The following CARS1 variants were observed in gnomAD, a reference collection of about 807,000 sequenced individuals.
CARS1 encodes cysteinyl-tRNA synthetase 1.
CARS1 carries 48 observed loss-of-function variants against 106.2 expected under a neutral mutation model. The observed-to-expected ratio is 0.45, with a 90% CI of 0.36 to 0.57. The LOEUF is 0.57. Ranked by LOEUF, CARS1 falls within the 20% of genes least tolerant of loss-of-function variation. CARS1 has a pLI of 0.00. For missense variants in CARS1, 968 were observed against 1,057.2 expected (o/e 0.92, Z 1.17); for synonymous variants, 409 against 403.4 (o/e 1.01, Z -0.17).
In CARS1 at chr11:3,022,067, A is replaced by G. The variant is rs764075988; in HGVS notation, c.1154-1735T>C. ...AACTGCCCTCATAGGGTTAATGAGA[A>G]TTCCAAGGCAGGCTATAGGCAGAAT... On this transcript the variant is annotated intron_variant, in intron 10 of 22. Transcript: ENST00000380525. This position sits in a 1 kb window ranked among gnomAD's most constrained non-coding sequence, Gnocchi z 4.9. Among the ~76,000 whole-genome samples the G allele has an allele frequency of 5.3e-5, 8 of 152,142 alleles. No individual in the cohort carries two copies. The highest frequency in any genetic ancestry group is 8.8e-5 in the Non-Finnish European group (6 of 68,028).
intron 16 of CARS1, 146 bp downstream of exon 16, chr11:3,016,960 G>A (rs943952454): frequency 3.2e-6 from 2 of 627,956 alleles, no homozygotes; most frequent in Admixed American, 3.0e-5. Context: ...AACCAAAGAG[G>A]ACAGAAGCAT....
Position 3,041,167 on chromosome 11 carries a change from C to T in CARS1, c.367-183G>A, listed in dbSNP as rs926941114. ...GGGAGCCCAGTGAGATGTACGGCACCTCCCACCAACTGAGCCCTGGGTGGG... is the reference window on the plus strand; with the variant it reads ...GGGAGCCCAGTGAGATGTACGGCACTTCCCACCAACTGAGCCCTGGGTGGG... On this transcript the variant is annotated intron_variant, in intron 3 of 22. Transcript: ENST00000380525. The surrounding 1 kb of genome is among the most constrained non-coding windows in gnomAD (Gnocchi z 4.9). 2.5e-5 allele frequency: 21 copies of T among 826,862 alleles called. No individual in the cohort carries two copies. Among genetic ancestry groups the T allele is most frequent in the Non-Finnish European group, 3.8e-5 (21 of 546,942 alleles). 51.2% of individuals were successfully genotyped at this position (826,862 alleles called of 1,614,324 possible).
Position 3,041,879 on chromosome 11 carries a change from G to C in CARS1, c.366+286C>G, listed in dbSNP as rs559516408. ...GGATGACCTCAAGTACTCATGGTTG[G>C]GCAGAGTCCGAGAGACAAGCCAGGG... On this transcript the variant is annotated intron_variant, in intron 3 of 22. Transcript: ENST00000380525. This position sits in a 1 kb window ranked among gnomAD's most constrained non-coding sequence, Gnocchi z 4.9. Among the ~76,000 whole-genome samples the C allele has an allele frequency of 8.7e-4, 132 of 152,292 alleles. No homozygotes were observed. Among genetic ancestry groups the C allele is most frequent in the Non-Finnish European group, 1.4e-3 (97 of 68,032 alleles).
At chr11:3,012,484 C>G (rs1158889167) in intron 17 of CARS1, among the ~76,000 whole-genome samples, 1 of 152,238 alleles carries the variant, frequency 6.6e-6, no homozygotes, top group Admixed American at 6.5e-5. Flanking sequence ...CACAGACTCT[C>G]AGGCCAGAGA....
rs548042692 is a variant in CARS1, at chr11:3,044,417, CT to C, written c.275-2162del. 0.044 allele frequency among the ~76,000 whole-genome samples: 6,481 copies of C among 146,224 alleles called. 427 individuals are homozygous for C. The highest frequency in any genetic ancestry group is 0.14 in the African/African-American group (5,781 of 40,296). ...ATATCACATAAGGACCCTTGCCCCC[CT>C]TTTTTTTTTTTAGATAAAATCTGGC... On this transcript the variant is annotated intron_variant, in intron 2 of 22. Transcript: ENST00000380525. This position sits in a 1 kb window ranked among gnomAD's most constrained non-coding sequence, Gnocchi z 4.4.
In CARS1 at chr11:3,028,629, G is replaced by T; in HGVS notation, c.1031+367C>A. ...TGCTGATGAAATGCATCCTCCTTCG[G>T]GATATGACACCAGGACTAGCACTCT... On this transcript the variant is annotated intron_variant, in intron 9 of 22. Coordinates refer to ENST00000380525, the MANE Select transcript of CARS1 (RefSeq NM_001014437.3). The surrounding 1 kb of genome is among the most constrained non-coding windows in gnomAD (Gnocchi z 4.4). The T allele has an allele frequency of 3.2e-6, 1 of 309,146 alleles. No homozygotes were observed. The allele number at this position is 309,146 out of a possible 1,614,324, so 19.2% of individuals were successfully genotyped here.
At position 3,025,625 on chromosome 11, in the gene CARS1, G is replaced by C. The variant is rs371915113; in HGVS notation, c.1153+1051C>G. On this transcript the variant is annotated intron_variant, in intron 10 of 22. Coordinates refer to ENST00000380525, the MANE Select transcript of CARS1 (RefSeq NM_001014437.3). ...GTCTTCCAGAAACACTAGGACAGGCGGGGTGGGGGTGCAGAACGTGCCCTG... is the reference window on the plus strand; with the variant it reads ...GTCTTCCAGAAACACTAGGACAGGCCGGGTGGGGGTGCAGAACGTGCCCTG... Among the ~76,000 whole-genome samples the C allele has an allele frequency of 2.9e-4, 44 of 152,312 alleles. No individual in the cohort carries two copies. The Middle Eastern group carries it at 0.014, about 47-fold the overall frequency.
chr11:3,021,981 A>G lies in CARS1; in HGVS notation c.1154-1649T>C, dbSNP rs1484375217. Reference sequence around the variant, plus strand: ...TTAAAAATACGCTTTGAAAAAATTGATAACAGAGAACACAGGACCCTCCCC... The same window carrying G: ...TTAAAAATACGCTTTGAAAAAATTGGTAACAGAGAACACAGGACCCTCCCC... On this transcript the variant is annotated intron_variant, in intron 10 of 22. Transcript: ENST00000380525. This position sits in a 1 kb window ranked among gnomAD's most constrained non-coding sequence, Gnocchi z 5.3. Among the ~76,000 whole-genome samples the G allele has an allele frequency of 1.3e-5, 2 of 152,226 alleles. No individual in the cohort carries two copies. Among genetic ancestry groups the G allele is most frequent in the Non-Finnish European group, 2.9e-5 (2 of 68,046 alleles).
chr11:3,029,058 C>T lies in CARS1; in HGVS notation c.969G>A (p.Arg323=). ...LNVLPPDVLT[R]VSEYVPEIVN... Reference sequence around the variant, plus strand: ...CAATTTCTGGCACATACTCACTAACCCGGGTTAAGACATCTGGAGGGAGAA... The same window carrying T: ...CAATTTCTGGCACATACTCACTAACTCGGGTTAAGACATCTGGAGGGAGAA... The change falls in exon 9 of 23, where the codon CGG becomes CGA. Residue 323 remains arginine, a synonymous_variant. Coordinates refer to ENST00000380525, the MANE Select transcript of CARS1 (RefSeq NM_001014437.3). This position sits in a 1 kb window ranked among gnomAD's most constrained non-coding sequence, Gnocchi z 5.9. 6.2e-7 allele frequency: 1 copy of T among 1,613,852 alleles called. No homozygotes were observed. The highest frequency in any genetic ancestry group is 2.2e-5 in the East Asian group (1 of 44,880).
Position 3,038,282 on chromosome 11 carries a change from AG to A in CARS1, c.652-84del, listed in dbSNP as rs1231462398. On this transcript the variant is annotated intron_variant, in intron 6 of 22. Transcript: ENST00000380525. This position sits in a 1 kb window ranked among gnomAD's most constrained non-coding sequence, Gnocchi z 4.0. ...ATAAAGGTGATTCCAGGTAGAAAACAGAACGGTTTTTCCCATGGCCCCATAG... is the reference window on the plus strand; with the variant it reads ...ATAAAGGTGATTCCAGGTAGAAAACAAACGGTTTTTCCCATGGCCCCATAG... 7.4e-7 allele frequency: 1 copy of A among 1,355,906 alleles called. No homozygotes were observed. The highest frequency in any genetic ancestry group is 1.0e-6 in the Non-Finnish European group (1 of 963,330). 84.0% of individuals were successfully genotyped at this position (1,355,906 alleles called of 1,614,324 possible).
chr11:3,028,785 T>C lies in CARS1; in HGVS notation c.1031+211A>G. Reference sequence around the variant, plus strand: ...CTTCCCAGCAGATTCTGGGTTAGGTTCTCACCATGGCCCCCAGGACAGTGC... The same window carrying C: ...CTTCCCAGCAGATTCTGGGTTAGGTCCTCACCATGGCCCCCAGGACAGTGC... On this transcript the variant is annotated intron_variant, in intron 9 of 22. Transcript: ENST00000380525. The surrounding 1 kb of genome is among the most constrained non-coding windows in gnomAD (Gnocchi z 4.4). The C allele has an allele frequency of 1.8e-6, 1 of 546,644 alleles. No individual in the cohort carries two copies. 33.9% of individuals were successfully genotyped at this position (546,644 alleles called of 1,614,324 possible).
At chr11:3,049,168 G>A (rs1361072112) in intron 1 of CARS1, among the ~76,000 whole-genome samples, 1 of 151,922 alleles carries the variant, frequency 6.6e-6, no homozygotes, top group East Asian at 1.9e-4. Flanking sequence ...AGGCTGGAGT[G>A]CAGTGGTGCA....
chr11:3,047,957 T>C lies in CARS1; in HGVS notation c.70A>G (p.Arg24Gly). 6.2e-7 allele frequency: 1 copy of C among 1,614,140 alleles called. No homozygotes were observed. The change falls in exon 2 of 23, where the codon AGG (arginine) becomes GGG (glycine). Residue 24 changes from arginine (R) to glycine (G), a missense_variant. Coordinates refer to ENST00000380525, the MANE Select transcript of CARS1 (RefSeq NM_001014437.3). ...SILSISDEAA[R>G]AQALNEHLST... ...AGGTGCTCGTTCAGGGCTTGTGCCC[T>C]GGCTGCCTCGTCACTAATGCTCAGA...
intron 2 of CARS1, 31 bp downstream of exon 2, chr11:3,047,722 T>C: frequency 6.3e-7 from 1 of 1,584,684 alleles, no homozygotes; most frequent in Non-Finnish European, 8.6e-7. Context: ...AGAGAGGTTC[T>C]AATGGCCAGG....
rs1851814758 is a variant in CARS1 at position 3,024,020 on chromosome 11, G to A, written c.1153+2656C>T. 2.0e-5 allele frequency among the ~76,000 whole-genome samples: 3 copies of A among 152,280 alleles called. No individual in the cohort carries two copies. The South Asian group carries it at 6.2e-4, about 32-fold the overall frequency. ...CGATTCTTCTGCCTCAGCCTCCCGA[G>A]TAGCTGGGACTACAGGCATGCGCCA... On this transcript the variant is annotated intron_variant, in intron 10 of 22. Coordinates refer to ENST00000380525, the MANE Select transcript of CARS1 (RefSeq NM_001014437.3).
Position 3,001,009 on chromosome 11 carries a change from G to T in CARS1, c.*105C>A. 1 of 1,279,086 alleles carries T rather than the reference G, an allele frequency of 7.8e-7. No homozygotes were observed. 79.2% of individuals were successfully genotyped at this position (1,279,086 alleles called of 1,614,324 possible). On this transcript the variant is annotated 3_prime_UTR_variant, in exon 23 of 23. Coordinates refer to ENST00000380525, the MANE Select transcript of CARS1 (RefSeq NM_001014437.3). ...TACATGAACACAACTCTTAATTTAG[G>T]ACCCAAGGGTGACTGTAAACATGAT... is the stretch of plus-strand genomic sequence containing the variant.
chr11:3,016,891 T>C (rs1374855610), intron 16 of CARS1, among the ~76,000 whole-genome samples: 1 of 152,172 alleles, frequency 6.6e-6, no homozygotes, highest in Non-Finnish European at 1.5e-5. Context: ...GGATTATAGA[T>C]GTGAGCCACT....
intron 7 of CARS1, among the ~76,000 whole-genome samples, chr11:3,032,060 C>CTCCT (rs1217924867): frequency 0.054 from 1,069 of 19,694 alleles, 14 homozygotes; most frequent in Middle Eastern, 0.095. Context: ...CCCTCCCTCC[C>CTCCT]TCCTTCCTTC....
rs1156953689 is a variant in CARS1, at chr11:3,039,994, A to G, written c.456-63T>C. The G allele has an allele frequency of 3.5e-6, 3 of 855,292 alleles. No individual in the cohort carries two copies. The highest frequency in any genetic ancestry group is 1.7e-5 in the African/African-American group (1 of 57,486). The allele number at this position is 855,292 out of a possible 1,614,324, so 53.0% of individuals were successfully genotyped here. A position where few individuals can be genotyped will look rare whatever the true frequency, so the allele number is the denominator to read the frequency against. On this transcript the variant is annotated intron_variant, in intron 4 of 22. Coordinates refer to ENST00000380525, the MANE Select transcript of CARS1 (RefSeq NM_001014437.3). This position sits in a 1 kb window ranked among gnomAD's most constrained non-coding sequence, Gnocchi z 5.6. ...GATATGTATAGCTTAACCTCCAACA[A>G]CACGTGTTTGAACTGCATGAGTGCA...
Sources: allele counts gnomAD v4.1 joint callset (sites outside exome capture counted in the v4.1 genomes callset), GRCh38; gene constraint gnomAD v4.1.1; non-coding constraint Gnocchi (gnomAD v3.1); transcripts MANE v1.5; gene names NCBI Gene and HGNC (gene_info 2026-07-23, HGNC 2026-07-21).